DPP8: variants seen among roughly 807,000 people sequenced by gnomAD.
DPP8 encodes the protein DPP VIII.
A neutral mutation model predicts 107.5 loss-of-function variants in DPP8; 31 were observed. That is an observed-to-expected ratio of 0.29 (90% CI 0.22 to 0.39). The LOEUF (loss-of-function observed/expected upper bound fraction) is 0.39. DPP8 is among the 10% of genes least tolerant of loss of function. The pLI is 1.00. For missense variants in DPP8, 842 were observed against 1,076.1 expected (o/e 0.78, Z 3.04); for synonymous variants, 381 against 356.6 (o/e 1.07, Z -0.77).
chr15:65,481,635 AAG>A lies in DPP8; in HGVS notation c.1018-22_1018-21del, dbSNP rs1377906294. The A allele has an allele frequency of 1.6e-6, 2 of 1,275,558 alleles. No homozygotes were observed. The highest frequency in any genetic ancestry group is 2.2e-6 in the Non-Finnish European group (2 of 918,878). 79.0% of individuals were successfully genotyped at this position (1,275,558 alleles called of 1,614,324 possible). On this transcript the variant is annotated intron_variant, in intron 8 of 19. Coordinates refer to ENST00000300141, the MANE Select transcript of DPP8 (RefSeq NM_130434.5). Reference sequence around the variant, plus strand: ...TATGATCTATTAAAAAAGAAAAAAAAAGAATCTAGTTATAGAAGATTTAGATA... The same window carrying A: ...TATGATCTATTAAAAAAGAAAAAAAAAATCTAGTTATAGAAGATTTAGATA...
At chr15:65,499,202 G>C (rs1384690290) in intron 4 of DPP8, among the ~76,000 whole-genome samples, 1 of 151,574 alleles carries the variant, frequency 6.6e-6, no homozygotes, top group African/African-American at 2.4e-5. Flanking sequence ...GCTTACACAG[G>C]AAGTGGGAAT....
chr15:65,500,501 G>A (rs11071846), intron 4 of DPP8, 105 bp downstream of exon 4: 388,573 of 774,580 alleles, frequency 0.5, 104,356 homozygotes, highest in Non-Finnish European at 0.56. Flanking sequence ...CTTTGTTGGT[G>A]GGTAAACTGA....
Position 65,456,313 on chromosome 15 carries a change from G to T in DPP8, c.2030C>A (p.Ala677Asp). Residue 677 changes from alanine (A) to aspartate (D), a missense_variant, in exon 16 of 20, where the codon GCC becomes GAC. By Grantham distance (126) the Ala-to-Asp change is moderately radical. Coordinates refer to ENST00000300141, the MANE Select transcript of DPP8 (RefSeq NM_130434.5). ...GVKYFRLNTL[A>D]SLGYVVVVID... ...CACTACAACCACATAACCTAGAGAG[G>T]CTAGGGTATTCAAGCGGAAATACTT... 6.2e-7 allele frequency: 1 copy of T among 1,613,930 alleles called. No individual in the cohort carries two copies. The highest frequency in any genetic ancestry group is 1.1e-5 in the South Asian group (1 of 91,076).
At position 65,478,934 on chromosome 15, in the gene DPP8, A is replaced by T. The variant is rs142137219; in HGVS notation, c.1402T>A (p.Ser468Thr). 5 of 1,595,758 alleles carry T rather than the reference A, an allele frequency of 3.1e-6. No homozygotes were observed. The highest frequency in any genetic ancestry group is 4.3e-6 in the Non-Finnish European group (5 of 1,172,936). The stretch of plus-strand genomic sequence containing the variant: ...TTATATTTGCTTTCCTTTAAAATAG[A>T]TGTAATTTTGTATAAATGACGGAAA... ...TGFRHLYKIT[S>T]ILKESKYKRS... The change falls in exon 11 of 20, where the codon TCT (serine) becomes ACT (threonine). Residue 468 changes from serine to threonine, a missense_variant. This residue lies in a region of DPP8 where 663 missense variants were observed against 758.0 expected (regional missense o/e 0.87). Coordinates refer to ENST00000300141, the MANE Select transcript of DPP8 (RefSeq NM_130434.5).
chr15:65,487,806 C>G lies in DPP8; in HGVS notation c.839G>C (p.Gly280Ala). 1 of 1,563,604 alleles carries G rather than the reference C, an allele frequency of 6.4e-7. No homozygotes were observed. Among genetic ancestry groups the G allele is most frequent in the Non-Finnish European group, 8.8e-7 (1 of 1,139,164 alleles). ...TTCATATAGAATTCTAAGAATTTTACCACCACTGGGAGCTTAAAAGAAATT... is the reference window on the plus strand; with the variant it reads ...TTCATATAGAATTCTAAGAATTTTAGCACCACTGGGAGCTTAAAAGAAATT... The part of the protein sequence containing the change: ...CPKAETTPSG[G>A]KILRILYEEN... Residue 280 changes from glycine (G) to alanine (A), a missense_variant, in exon 7 of 20, where the codon GGT becomes GCT. Coordinates refer to ENST00000300141, the MANE Select transcript of DPP8 (RefSeq NM_130434.5).
intron 8 of DPP8, among the ~76,000 whole-genome samples, chr15:65,483,788 G>A (rs1435441173): frequency 2.0e-5 from 3 of 151,932 alleles, no homozygotes; most frequent in Non-Finnish European, 4.4e-5. Flanking sequence ...ACATACTCAT[G>A]GCAGCATTAT....
At chr15:65,494,680 T>C (rs2068407509) in intron 5 of DPP8, among the ~76,000 whole-genome samples, 1 of 142,156 alleles carries the variant, frequency 7.0e-6, no homozygotes, top group Admixed American at 7.0e-5. Flanking sequence ...AAAAAATCGC[T>C]AGGATTTCCA....
intron 3 of DPP8, among the ~76,000 whole-genome samples, chr15:65,503,911 G>A (rs940486748): frequency 6.6e-6 from 1 of 151,666 alleles, no homozygotes; most frequent in Non-Finnish European, 1.5e-5. Flanking sequence ...AGGCATAAGC[G>A]ACCGCACCTG....
intron 17 of DPP8, among the ~76,000 whole-genome samples, chr15:65,453,279 C>T (rs573360255): frequency 3.3e-5 from 5 of 152,200 alleles, no homozygotes; most frequent in Admixed American, 3.3e-4. Context: ...GCTTGCAGTC[C>T]AACAATTAAG....
intron 14 of DPP8, 150 bp downstream of exon 14, chr15:65,466,528 A>G (rs1460155804): frequency 5.9e-6 from 4 of 677,098 alleles, no homozygotes; most frequent in South Asian, 1.9e-5. Flanking sequence ...GAATAGGAGA[A>G]GAGGGATCTA....
intron 12 of DPP8, among the ~76,000 whole-genome samples, chr15:65,473,482 A>G (rs1298621514): frequency 6.6e-6 from 1 of 152,024 alleles, no homozygotes; most frequent in Non-Finnish European, 1.5e-5. Flanking sequence ...AGCCCAGACA[A>G]TATATATGAG....
chr15:65,479,030 T>C lies in DPP8; in HGVS notation c.1306A>G (p.Ile436Val), dbSNP rs1268796374. ...TGACTTTGGGGAAAAACATGAAAGA[T>C]GTCATGGATCTGTAAAATGAATAGC... is the stretch of plus-strand genomic sequence containing the variant. ...TTDIWINIHD[I>V]FHVFPQSHEE... Residue 436 changes from isoleucine (I) to valine (V), a missense_variant, in exon 11 of 20, where the codon ATC becomes GTC. This residue lies in a region of DPP8 where 663 missense variants were observed against 758.0 expected (regional missense o/e 0.87). Coordinates refer to ENST00000300141, the MANE Select transcript of DPP8 (RefSeq NM_130434.5). 5.1e-6 allele frequency: 8 copies of C among 1,578,754 alleles called. No individual in the cohort carries two copies. The highest frequency in any genetic ancestry group is 6.9e-6 in the Non-Finnish European group (8 of 1,166,008).
chr15:65,489,418 T>TTTTTC (rs2067778769), intron 6 of DPP8, among the ~76,000 whole-genome samples: 1 of 137,646 alleles, frequency 7.3e-6, no homozygotes, highest in Non-Finnish European at 1.6e-5. Context: ...ATCTACTTTT[T>TTTTTC]TTTTTTTTTT....
At chr15:65,514,288 G>T (rs990685095) in intron 1 of DPP8, among the ~76,000 whole-genome samples, 1 of 152,284 alleles carries the variant, frequency 6.6e-6, no homozygotes, top group East Asian at 1.9e-4. Flanking sequence ...TTGTATCATT[G>T]TAACAAATGA....
At chr15:65,500,811 C>G in intron 3 of DPP8, 32 bp from the exon 4 acceptor site, 1 of 1,528,316 alleles carries the variant, frequency 6.5e-7, no homozygotes, top group Admixed American at 1.9e-5. Context: ...CTATTCCAGT[C>G]TTCTGAAAAA....
intron 3 of DPP8, among the ~76,000 whole-genome samples, chr15:65,501,016 T>C (rs2140999302): frequency 6.6e-6 from 1 of 151,994 alleles, no homozygotes; most frequent in African/African-American, 2.4e-5. Flanking sequence ...TAGCTGGGAC[T>C]ACAGGCGCCC....
At position 65,500,830 on chromosome 15, in the gene DPP8, T is replaced by C. The variant is rs755669875; in HGVS notation, c.373-51A>G. On this transcript the variant is annotated intron_variant, in intron 3 of 19. Coordinates refer to ENST00000300141, the MANE Select transcript of DPP8 (RefSeq NM_130434.5). Reference sequence around the variant, plus strand: ...TCCAGTCTTCTGAAAAACCATCTTTTGCTTTTAGCACTGAAATCCTAGAAT... The same window carrying C: ...TCCAGTCTTCTGAAAAACCATCTTTCGCTTTTAGCACTGAAATCCTAGAAT... 2.2e-5 allele frequency: 32 copies of C among 1,450,374 alleles called. No individual in the cohort carries two copies. The Admixed American group carries it at 6.3e-4, about 29-fold the overall frequency. The allele number at this position is 1,450,374 out of a possible 1,614,324, so 89.8% of individuals were successfully genotyped here. A position where few individuals can be genotyped will look rare whatever the true frequency, so the allele number is the denominator to read the frequency against.
intron 17 of DPP8, 124 bp from the exon 18 acceptor site, chr15:65,452,226 A>C: frequency 9.0e-7 from 1 of 1,113,076 alleles, no homozygotes; most frequent in South Asian, 1.9e-5. Context: ...CTACTGGCGC[A>C]TACATGTCTT....
At chr15:65,508,225 GC>G (rs1289243867) in intron 2 of DPP8, among the ~76,000 whole-genome samples, 4 of 149,498 alleles carry the variant, frequency 2.7e-5, no homozygotes, top group Non-Finnish European at 5.9e-5. Context: ...GGGCAACAGA[GC>G]AAGACTCCGT....
Sources: allele counts gnomAD v4.1 joint callset (sites outside exome capture counted in the v4.1 genomes callset), GRCh38; gene constraint gnomAD v4.1.1; regional missense constraint gnomAD v4.1.1; transcripts MANE v1.5; gene names NCBI Gene and HGNC (gene_info 2026-07-23, HGNC 2026-07-21).